Variants in PLEKHG3 observed in about 807,000 individuals in gnomAD.
PLEKHG3 encodes pleckstrin homology domain-containing family G member 3.
Under a neutral mutation model 94.9 loss-of-function variants are expected in PLEKHG3, and 62 were observed. The ratio of observed to expected loss-of-function variants is 0.65; its 90% CI spans 0.53 to 0.81. The LOEUF (loss-of-function observed/expected upper bound fraction) is 0.81. PLEKHG3 is among the 30% of genes least tolerant of loss of function. The pLI is 0.00. For synonymous variants in PLEKHG3, 614 were observed against 654.0 expected (o/e 0.94, Z 0.93); for missense variants, 1,461 against 1,619.3 (o/e 0.90, Z 1.68).
At chr14:64,710,396 G>A (rs563529019) in intron 1 of PLEKHG3, among the ~76,000 whole-genome samples, 2 of 152,196 alleles carry the variant, frequency 1.3e-5, no homozygotes, top group African/African-American at 2.4e-5. Flanking sequence ...AAGGCCGGGC[G>A]CAGTGGCTCA....
rs765520266 is a variant in PLEKHG3, at chr14:64,730,334, C to T, written c.519+22C>T. ...AAGGGTAAGAAGGGCTGGGTCCTTGCCTCTGTCCTACCTTGCTGAGAGCTC... is the reference window on the plus strand; with the variant it reads ...AAGGGTAAGAAGGGCTGGGTCCTTGTCTCTGTCCTACCTTGCTGAGAGCTC... On this transcript the variant is annotated intron_variant, in intron 4 of 16. Coordinates refer to ENST00000247226, the MANE Select transcript of PLEKHG3 (RefSeq NM_001308147.2). The surrounding 1 kb of genome is among the most constrained non-coding windows in gnomAD (Gnocchi z 5.4). The T allele has an allele frequency of 2.0e-6, 3 of 1,472,354 alleles. No homozygotes were observed. Among genetic ancestry groups the T allele is most frequent in the Admixed American group, 2.0e-5 (1 of 50,918 alleles). 91.2% of individuals were successfully genotyped at this position (1,472,354 alleles called of 1,614,324 possible). A position where few individuals can be genotyped will look rare whatever the true frequency, so the allele number is the denominator to read the frequency against.
rs1000807104 is a variant in PLEKHG3, at chr14:64,722,095, G to A, written c.-39-5498G>A. On this transcript the variant is annotated intron_variant, in intron 1 of 16. Transcript: ENST00000247226. The surrounding 1 kb of genome is among the most constrained non-coding windows in gnomAD (Gnocchi z 4.3). ...ATTGTTTGGGGGAAGGACAAAAGCC[G>A]CTGGGCCACCCTGGCTTTGAGAGCC... Among the ~76,000 whole-genome samples the A allele has an allele frequency of 5.3e-5, 8 of 152,308 alleles. No individual in the cohort carries two copies. The highest frequency in any genetic ancestry group is 1.4e-4 in the African/African-American group (6 of 41,582).
Position 64,726,304 on chromosome 14 carries a change from G to A in PLEKHG3, c.-39-1289G>A, listed in dbSNP as rs899630184. Among the ~76,000 whole-genome samples the A allele has an allele frequency of 6.6e-6, 1 of 152,154 alleles. No individual in the cohort carries two copies. The highest frequency in any genetic ancestry group is 1.5e-5 in the Non-Finnish European group (1 of 68,018). On this transcript the variant is annotated intron_variant, in intron 1 of 16. Transcript: ENST00000247226. This position sits in a 1 kb window ranked among gnomAD's most constrained non-coding sequence, Gnocchi z 5.1. ...CTAGATTCTTCTCCTTGTAGCTCAA[G>A]TCTCTGCCCTTTAGTCATGTCTGGG... is the stretch of plus-strand genomic sequence containing the variant.
chr14:64,725,892 C>T lies in PLEKHG3; in HGVS notation c.-39-1701C>T, dbSNP rs2081343102. Among the ~76,000 whole-genome samples, 1 of 152,186 alleles carries T rather than the reference C, an allele frequency of 6.6e-6. No individual in the cohort carries two copies. Among genetic ancestry groups the T allele is most frequent in the Non-Finnish European group, 1.5e-5 (1 of 68,038 alleles). On this transcript the variant is annotated intron_variant, in intron 1 of 16. Coordinates refer to ENST00000247226, the MANE Select transcript of PLEKHG3 (RefSeq NM_001308147.2). The surrounding 1 kb of genome is among the most constrained non-coding windows in gnomAD (Gnocchi z 5.0). ...CATCAGTTTGTTCACCATTGTTGTT[C>T]ATTTGTTAAATTGGCCCTTAAGACC...
intron 1 of PLEKHG3, among the ~76,000 whole-genome samples, chr14:64,719,192 G>C (rs945498048): frequency 3.3e-5 from 5 of 152,172 alleles, no homozygotes; most frequent in Non-Finnish European, 7.3e-5. Flanking sequence ...CGGGTGGTGG[G>C]GGAAGGTTAG....
Position 64,727,738 on chromosome 14 carries a change from T to C in PLEKHG3, c.107T>C (p.Met36Thr), listed in dbSNP as rs1462063359. The C allele has an allele frequency of 1.2e-6, 2 of 1,611,562 alleles. No homozygotes were observed. Among genetic ancestry groups the C allele is most frequent in the South Asian group, 2.2e-5 (2 of 90,978 alleles). Residue 36 changes from methionine to threonine, a missense_variant, in exon 2 of 17, where the codon ATG becomes ACG. This residue lies in a region of PLEKHG3 where 253 missense variants were observed against 297.8 expected (regional missense o/e 0.85). Coordinates refer to ENST00000247226, the MANE Select transcript of PLEKHG3 (RefSeq NM_001308147.2). This position sits in a 1 kb window ranked among gnomAD's most constrained non-coding sequence, Gnocchi z 6.0. ...TCCTCCTGTGACAGTCGCAGTGCCA[T>C]GGAGGAGCCCAGCAGCTCCGAGGCT... ...SGSSCDSRSA[M>T]EEPSSSEAPA...
rs2081162553 is a variant in PLEKHG3 at position 64,716,504 on chromosome 14, C to CAA, written c.-39-11088_-39-11087insAA. Among the ~76,000 whole-genome samples, 1 of 126,388 alleles carries CAA rather than the reference C, an allele frequency of 7.9e-6. No individual in the cohort carries two copies. Among genetic ancestry groups the CAA allele is most frequent in the African/African-American group, 3.3e-5 (1 of 30,692 alleles). The allele number at this position is 126,388 out of a possible 152,430, so 82.9% of individuals were successfully genotyped here. On this transcript the variant is annotated intron_variant, in intron 1 of 16. Coordinates refer to ENST00000247226, the MANE Select transcript of PLEKHG3 (RefSeq NM_001308147.2). The surrounding 1 kb of genome is among the most constrained non-coding windows in gnomAD (Gnocchi z 5.0). Reference sequence around the variant, plus strand: ...ACAACACACACACACACAACACACACACACACACACACACACACACACACA... The same window carrying CAA: ...ACAACACACACACACACAACACACACAAACACACACACACACACACACACACA...
chr14:64,741,096 A>T lies in PLEKHG3; in HGVS notation c.1579A>T (p.Ser527Cys). 1 of 1,613,254 alleles carries T rather than the reference A, an allele frequency of 6.2e-7. No homozygotes were observed. The highest frequency in any genetic ancestry group is 8.5e-7 in the Non-Finnish European group (1 of 1,179,406). Reference protein sequence around the residue: ...QEVFSAVEGPSAEETPSDTES... With the variant: ...QEVFSAVEGPCAEETPSDTES... ...GGTATTTTCTGCTGTGGAAGGGCCCAGTGCCGAGGAGACGCCTTCAGACAC... is the reference window on the plus strand; with the variant it reads ...GGTATTTTCTGCTGTGGAAGGGCCCTGTGCCGAGGAGACGCCTTCAGACAC... Residue 527 changes from serine (S) to cysteine (C), a missense_variant, in exon 16 of 17, where the codon AGT becomes TGT. By Grantham distance (112) the Ser-to-Cys change is moderately radical. This residue lies in a region of PLEKHG3 where 1,201 missense variants were observed against 1,295.5 expected (regional missense o/e 0.93). Coordinates refer to ENST00000247226, the MANE Select transcript of PLEKHG3 (RefSeq NM_001308147.2).
rs575821706 is a variant in PLEKHG3 at position 64,743,939 on chromosome 14, C to T, written c.*236C>T. The T allele has an allele frequency of 2.3e-5, 10 of 435,202 alleles. No individual in the cohort carries two copies. Among genetic ancestry groups the T allele is most frequent in the Non-Finnish European group, 2.4e-5 (6 of 246,942 alleles). 27.0% of individuals were successfully genotyped at this position (435,202 alleles called of 1,614,324 possible). ...CTGTGAGGCCGGTGTGGCTGCTTCCCTTGTAAATAGTTGTTCTCTGGTAAG... is the reference window on the plus strand; with the variant it reads ...CTGTGAGGCCGGTGTGGCTGCTTCCTTTGTAAATAGTTGTTCTCTGGTAAG... On this transcript the variant is annotated 3_prime_UTR_variant, in exon 17 of 17. Coordinates refer to ENST00000247226, the MANE Select transcript of PLEKHG3 (RefSeq NM_001308147.2). The surrounding 1 kb of genome is among the most constrained non-coding windows in gnomAD (Gnocchi z 7.2).
chr14:64,740,971 C>T, intron 15 of PLEKHG3, 65 bp from the exon 16 acceptor site: 2 of 1,357,858 alleles, frequency 1.5e-6, no homozygotes, highest in Non-Finnish European at 2.0e-6. Context: ...CATGCTGTCC[C>T]CTTGTTCCCC....
Position 64,727,901 on chromosome 14 carries a change from G to T in PLEKHG3, c.270G>T (p.Lys90Asn). 2 of 1,612,758 alleles carry T rather than the reference G, an allele frequency of 1.2e-6. No homozygotes were observed. Among genetic ancestry groups the T allele is most frequent in the Non-Finnish European group, 8.5e-7 (1 of 1,179,198 alleles). ...SRAAAGPAHHKLSYLGRVVRE... is the reference protein window; with the variant it reads ...SRAAAGPAHHNLSYLGRVVRE... ...CAGCGGCAGGGCCTGCACACCACAA[G>T]CTCAGCTACCTGGGCCGAGTGGTGC... Residue 90 changes from lysine to asparagine, a missense_variant, in exon 2 of 17, where the codon AAG (lysine) becomes AAT (asparagine). Transcript: ENST00000247226. This position sits in a 1 kb window ranked among gnomAD's most constrained non-coding sequence, Gnocchi z 6.0.
rs770191394 is a variant in PLEKHG3 at position 64,732,429 on chromosome 14, C to T, written c.1215C>T (p.Ala405=). 6.2e-7 allele frequency: 1 copy of T among 1,612,996 alleles called. No individual in the cohort carries two copies. Among genetic ancestry groups the T allele is most frequent in the Non-Finnish European group, 8.5e-7 (1 of 1,179,052 alleles). Residue 405 remains alanine, a splice_region_variant and synonymous_variant, in exon 11 of 17, where the codon GCC becomes GCT. Transcript: ENST00000247226. This position sits in a 1 kb window ranked among gnomAD's most constrained non-coding sequence, Gnocchi z 4.9. The stretch of plus-strand genomic sequence containing the variant: ...AGGTGTGTTTCCTTCCCCTTCAGGC[C>T]AAGGAAGCCATCTTGGAAATGGATT... ...ENHHATIPQK[A]KEAILEMDSY...
Position 64,727,720 on chromosome 14 carries a change from G to T in PLEKHG3, c.89G>T (p.Cys30Phe). 1.9e-6 allele frequency: 3 copies of T among 1,612,232 alleles called. No homozygotes were observed. The highest frequency in any genetic ancestry group is 2.5e-6 in the Non-Finnish European group (3 of 1,179,582). Residue 30 changes from cysteine to phenylalanine, a missense_variant, in exon 2 of 17, where the codon TGT (cysteine) becomes TTT (phenylalanine). Cys to Phe is a radical substitution (Grantham distance 205). Transcript: ENST00000247226. The surrounding 1 kb of genome is among the most constrained non-coding windows in gnomAD (Gnocchi z 6.0). ...ACCACCTCCTCGTCGGGCTCCTCCT[G>T]TGACAGTCGCAGTGCCATGGAGGAG... The part of the protein sequence containing the change: ...TSTTSSSGSS[C>F]DSRSAMEEPS...
chr14:64,738,031 A>T lies in PLEKHG3; in HGVS notation c.1404+656A>T. 1 of 1,289,160 alleles carries T rather than the reference A, an allele frequency of 7.8e-7. No individual in the cohort carries two copies. Among genetic ancestry groups the T allele is most frequent in the Non-Finnish European group, 1.0e-6 (1 of 989,366 alleles). The allele number at this position is 1,289,160 out of a possible 1,614,324, so 79.9% of individuals were successfully genotyped here. A position where few individuals can be genotyped will look rare whatever the true frequency, so the allele number is the denominator to read the frequency against. The stretch of plus-strand genomic sequence containing the variant: ...GAGCAGGCCTTTCAGGTCTCTCTGG[A>T]GGACCTGACAGGGCATGAAGGCAAC... On this transcript the variant is annotated intron_variant, in intron 14 of 16. Transcript: ENST00000247226. This position sits in a 1 kb window ranked among gnomAD's most constrained non-coding sequence, Gnocchi z 4.8.
rs1377408274 is a variant in PLEKHG3, at chr14:64,721,895, G to T, written c.-39-5698G>T. Among the ~76,000 whole-genome samples, 1 of 152,204 alleles carries T rather than the reference G, an allele frequency of 6.6e-6. No individual in the cohort carries two copies. Among genetic ancestry groups the T allele is most frequent in the Non-Finnish European group, 1.5e-5 (1 of 68,028 alleles). ...TGGCCCAGAGTGGTGCCGAGCTGTG[G>T]GTAAGAGCACAGCCGAGGGATTTCA... is the stretch of plus-strand genomic sequence containing the variant. On this transcript the variant is annotated intron_variant, in intron 1 of 16. Transcript: ENST00000247226. This position sits in a 1 kb window ranked among gnomAD's most constrained non-coding sequence, Gnocchi z 4.3.
rs761418574 is a variant in PLEKHG3 at position 64,749,260 on chromosome 14, C to T, written c.*5557C>T. Reference sequence around the variant, plus strand: ...AGAGGAGGCCAAGGCCTGGGCTGCCCGGTCTCTGCGCGTCCCGACTCCGCC... The same window carrying T: ...AGAGGAGGCCAAGGCCTGGGCTGCCTGGTCTCTGCGCGTCCCGACTCCGCC... On this transcript the variant is annotated 3_prime_UTR_variant, in exon 17 of 17. Coordinates refer to ENST00000247226, the MANE Select transcript of PLEKHG3 (RefSeq NM_001308147.2). The surrounding 1 kb of genome is among the most constrained non-coding windows in gnomAD (Gnocchi z 4.7). 4.5e-6 allele frequency: 7 copies of T among 1,539,686 alleles called. No individual in the cohort carries two copies. The highest frequency in any genetic ancestry group is 3.6e-5 in the South Asian group (3 of 84,400).
At position 64,716,214 on chromosome 14, in the gene PLEKHG3, A is replaced by G; in HGVS notation, c.-39-11379A>G. ...GGAAACCCAGCCAATCACAGGCTTT[A>G]GGGTAAAAGGCAGGTTTTTCCCTTG... On this transcript the variant is annotated intron_variant, in intron 1 of 16. Transcript: ENST00000247226. This position sits in a 1 kb window ranked among gnomAD's most constrained non-coding sequence, Gnocchi z 5.0. 2 of 364,978 alleles carry G rather than the reference A, an allele frequency of 5.5e-6. No individual in the cohort carries two copies. The highest frequency in any genetic ancestry group is 1.1e-5 in the Non-Finnish European group (2 of 182,578). 22.6% of individuals were successfully genotyped at this position (364,978 alleles called of 1,614,324 possible).
At chr14:64,733,665 C>T (rs1291067802) in intron 12 of PLEKHG3, among the ~76,000 whole-genome samples, 1 of 152,202 alleles carries the variant, frequency 6.6e-6, no homozygotes, top group Non-Finnish European at 1.5e-5. Flanking sequence ...AGTTCAGTGG[C>T]ACCAAACCCA....
chr14:64,737,341 T>A lies in PLEKHG3; in HGVS notation c.1385-15T>A, dbSNP rs2081591278. On this transcript the variant is annotated splice_polypyrimidine_tract_variant and intron_variant, in intron 13 of 16. Transcript: ENST00000247226. ...CTCGCCCGTGTGCTGGGGGACCCGG[T>A]GGTGATGTCTGCAGCCCGAGCAGCA... 1.2e-6 allele frequency: 2 copies of A among 1,602,236 alleles called. No individual in the cohort carries two copies. The highest frequency in any genetic ancestry group is 2.7e-5 in the African/African-American group (2 of 74,432).
Sources: allele counts gnomAD v4.1 joint callset (sites outside exome capture counted in the v4.1 genomes callset), GRCh38; gene constraint gnomAD v4.1.1; regional missense constraint gnomAD v4.1.1; non-coding constraint Gnocchi (gnomAD v3.1); transcripts MANE v1.5; gene names NCBI Gene and HGNC (gene_info 2026-07-23, HGNC 2026-07-21).